Variants in DST observed in about 807,000 individuals in gnomAD.
DST encodes dystonin.
DST carries 253 observed loss-of-function variants against 875.2 expected under a neutral mutation model. That is an observed-to-expected ratio of 0.29 (90% confidence interval 0.26 to 0.32). DST has a LOEUF of 0.32. DST is among the 10% of genes least tolerant of loss of function. The pLI is 1.00. For missense variants in DST, 8,287 were observed against 9,111.6 expected (o/e 0.91, Z 3.68); for synonymous variants, 3,124 against 3,197.1 (o/e 0.98, Z 0.77).
intron 19 of DST, 64 bp from the exon 20 acceptor site, chr6:56,639,837 A>C (rs1332248737): frequency 1.3e-6 from 2 of 1,583,500 alleles, no homozygotes; most frequent in South Asian, 1.1e-5. Context: ...CTCACACTTA[A>C]TGTATCTATT....
rs1189798226 is a variant in DST at position 56,598,685 on chromosome 6, T to C, written c.11719A>G (p.Ser3907Gly). The C allele has an allele frequency of 6.3e-7, 1 of 1,592,378 alleles. No homozygotes were observed. The highest frequency in any genetic ancestry group is 1.7e-4 in the Middle Eastern group (1 of 5,972). Reference protein sequence around the residue: ...QEELQKDMQGSAQALAEVVKN... With the variant: ...QEELQKDMQGGAQALAEVVKN... ...ACTACTTCAGCCAATGCCTGTGCAC[T>C]TCCTTGCATATCTTTCTGTAATTCC... is the stretch of plus-strand genomic sequence containing the variant. Residue 3907 changes from serine to glycine, a missense_variant, in exon 46 of 104, where the codon AGT becomes GGT. Ser to Gly is a moderately conservative substitution (Grantham distance 56). This residue lies in a region of DST where 7 missense variants were observed against 17.1 expected (regional missense o/e 0.41). Transcript: ENST00000680361.
intron 3 of DST, among the ~76,000 whole-genome samples, chr6:56,880,826 A>C (rs2127634809): frequency 1.3e-5 from 2 of 149,582 alleles, no homozygotes; most frequent in South Asian, 4.2e-4. Context: ...GTAATATAAA[A>C]TACTGTCTTT....
At chr6:56,596,058 C>T (rs2098381026) in intron 47 of DST, among the ~76,000 whole-genome samples, 2 of 143,444 alleles carry the variant, frequency 1.4e-5, no homozygotes, top group Non-Finnish European at 3.1e-5. Flanking sequence ...GAGATGGAGT[C>T]TCGCTCTGTC....
In DST at chr6:56,624,641, A is replaced by G; in HGVS notation, c.4831-13T>C. On this transcript the variant is annotated splice_polypyrimidine_tract_variant and intron_variant, in intron 35 of 103. Coordinates refer to ENST00000680361, the MANE Select transcript of DST (RefSeq NM_001374736.1). ...TTAGGTCCATGAACTGCAAGTAAGGAAAAAAATAATAAAAGCATTACCTCC... is the reference window on the plus strand; with the variant it reads ...TTAGGTCCATGAACTGCAAGTAAGGGAAAAAATAATAAAAGCATTACCTCC... The G allele has an allele frequency of 3.9e-6, 6 of 1,545,800 alleles. No homozygotes were observed. Among genetic ancestry groups the G allele is most frequent in the Non-Finnish European group, 5.4e-6 (6 of 1,118,646 alleles).
At chr6:56,524,307 T>C (rs1186680252) in intron 69 of DST, among the ~76,000 whole-genome samples, 1 of 152,152 alleles carries the variant, frequency 6.6e-6, no homozygotes, top group African/African-American at 2.4e-5. Flanking sequence ...TTATGATCCT[T>C]TTAGTGTTGT....
Position 56,608,296 on chromosome 6 carries a change from T to C in DST, c.6332A>G (p.Tyr2111Cys), listed in dbSNP as rs1310679905. The C allele has an allele frequency of 1.2e-6, 2 of 1,613,402 alleles. No homozygotes were observed. The highest frequency in any genetic ancestry group is 2.7e-5 in the African/African-American group (2 of 74,924). Reference protein sequence around the residue: ...LNGRQKIAALYIPESSQVIGL... With the variant: ...LNGRQKIAALCIPESSQVIGL... ...AATGACTTGAGAACTTTCTGGAATA[T>C]AAAGAGCAGCTATTTTTTGTCTGCC... Residue 2111 changes from tyrosine (Y) to cysteine (C), a missense_variant, in exon 40 of 104, where the codon TAT becomes TGT. Tyr to Cys is a radical substitution (Grantham distance 194). This residue lies in a region of DST where 3,138 missense variants were observed against 3,116.6 expected (regional missense o/e 1.01). Transcript: ENST00000680361.
intron 4 of DST, among the ~76,000 whole-genome samples, chr6:56,773,976 C>T (rs1463219073): frequency 2.6e-5 from 4 of 151,836 alleles, no homozygotes; most frequent in Non-Finnish European, 5.9e-5. Context: ...AAAACAGGCA[C>T]GGTGGTATGC....
intron 4 of DST, among the ~76,000 whole-genome samples, chr6:56,800,270 G>A (rs2099745174): frequency 6.6e-6 from 1 of 152,184 alleles, no homozygotes. Context: ...ATATAGTATA[G>A]TGTTTTGAAA....
intron 48 of DST, 51 bp from the exon 49 acceptor site, chr6:56,592,409 T>C: frequency 1.4e-6 from 2 of 1,389,658 alleles, no homozygotes. Flanking sequence ...ACTATTTTCA[T>C]ATGCATCAAA....
At chr6:56,650,715 T>C (rs2098971003) in intron 12 of DST, among the ~76,000 whole-genome samples, 1 of 152,216 alleles carries the variant, frequency 6.6e-6, no homozygotes, top group African/African-American at 2.4e-5. Context: ...CTTTTATTTA[T>C]GACACAAAAG....
rs2099697637 is a variant in DST, at chr6:56,783,118, T to C, written c.626-47829A>G. 2.0e-5 allele frequency among the ~76,000 whole-genome samples: 3 copies of C among 152,180 alleles called. No homozygotes were observed. In the South Asian group the frequency reaches 6.2e-4, roughly 32 times the overall value. ...TTGTTATAATTTCTGTTCTTTTACATTTGCTGAGGAGAGCTTTACTTCCAA... is the reference window on the plus strand; with the variant it reads ...TTGTTATAATTTCTGTTCTTTTACACTTGCTGAGGAGAGCTTTACTTCCAA... On this transcript the variant is annotated intron_variant, in intron 4 of 103. Transcript: ENST00000680361.
At chr6:56,611,979 C>G (rs1421332651) in intron 37 of DST, among the ~76,000 whole-genome samples, 2 of 152,206 alleles carry the variant, frequency 1.3e-5, no homozygotes, top group African/African-American at 4.8e-5. Context: ...GACACTACTT[C>G]CAAAGGGCAT....
At chr6:56,485,015 T>G (rs2095516088) in intron 88 of DST, 1 of 293,288 alleles carries the variant, frequency 3.4e-6, no homozygotes, top group Admixed American at 5.0e-5. Context: ...TAGTAAAACA[T>G]TCTTGAAATC....
At position 56,670,700 on chromosome 6, in the gene DST, T is replaced by C; in HGVS notation, c.1155A>G (p.Glu385=). 6.2e-7 allele frequency: 1 copy of C among 1,608,912 alleles called. No homozygotes were observed. Among genetic ancestry groups the C allele is most frequent in the Non-Finnish European group, 8.5e-7 (1 of 1,177,558 alleles). ...CATCTCTCCAGCAGGTAGTGAAATT[T>C]TCACACCGAATTCCAGCATAACCCT... ...ATEGYAGIRC[E]NFTTCWRDGK... Residue 385 remains glutamate, a synonymous_variant, in exon 10 of 104, where the codon GAA becomes GAG. Transcript: ENST00000680361.
At chr6:56,655,972 T>G (rs1055582155) in intron 10 of DST, among the ~76,000 whole-genome samples, 4 of 152,246 alleles carry the variant, frequency 2.6e-5, no homozygotes, top group Non-Finnish European at 5.9e-5. Context: ...TCTAGCATAA[T>G]GCTTAAAACA....
intron 4 of DST, among the ~76,000 whole-genome samples, chr6:56,803,729 G>A (rs553209077): frequency 4.7e-4 from 72 of 152,228 alleles, no homozygotes; most frequent in African/African-American, 1.7e-3. Flanking sequence ...TGGTAACCCC[G>A]ACCTTTTACA....
At chr6:56,706,510 T>G (rs1441229317) in intron 5 of DST, among the ~76,000 whole-genome samples, 1 of 152,196 alleles carries the variant, frequency 6.6e-6, no homozygotes, top group African/African-American at 2.4e-5. Context: ...ATGCATGATA[T>G]GTACGCGAAC....
At position 56,651,130 on chromosome 6, in the gene DST, A is replaced by C; in HGVS notation, c.1327+2T>G. On this transcript the variant is annotated splice_donor_variant, in intron 11 of 103. Coordinates refer to ENST00000680361, the MANE Select transcript of DST (RefSeq NM_001374736.1). LOFTEE classifies it high-confidence loss of function. ...CCACATATAATCAAGAAAATAACTC[A>C]CCTTCAGGGTCCAGAAGTCTTATAA... The C allele has an allele frequency of 6.2e-7, 1 of 1,606,930 alleles. No homozygotes were observed. The highest frequency in any genetic ancestry group is 8.5e-7 in the Non-Finnish European group (1 of 1,174,652).
chr6:56,640,282 G>A lies in DST; in HGVS notation c.2351C>T (p.Pro784Leu), dbSNP rs747722894. Residue 784 changes from proline to leucine, a missense_variant, in exon 18 of 104, where the codon CCA becomes CTA. Coordinates refer to ENST00000680361, the MANE Select transcript of DST (RefSeq NM_001374736.1). Reference protein sequence around the residue: ...LVPNFSSGVEPNSLQTLKLMQ... With the variant: ...LVPNFSSGVELNSLQTLKLMQ... ...CAACTTCAAAGTTTGCAATGAATTT[G>A]GCTCTACTCCTGAACTGAAATTTGG... is the stretch of plus-strand genomic sequence containing the variant. 1.9e-6 allele frequency: 3 copies of A among 1,614,120 alleles called. No homozygotes were observed. The Admixed American group carries it at 5.0e-5, about 27-fold the overall frequency.
Sources: allele counts gnomAD v4.1 joint callset (sites outside exome capture counted in the v4.1 genomes callset), GRCh38; gene constraint gnomAD v4.1.1; regional missense constraint gnomAD v4.1.1; transcripts MANE v1.5; gene names NCBI Gene and HGNC (gene_info 2026-07-23, HGNC 2026-07-21).